The following KBTBD2 variants were observed in gnomAD, a reference collection of about 807,000 sequenced individuals.
The protein encoded by KBTBD2 is kelch repeat and BTB domain-containing protein 2.
A neutral mutation model predicts 57.1 loss-of-function variants in KBTBD2; 17 were observed. That is an observed-to-expected ratio of 0.30 (90% CI 0.20 to 0.45). The LOEUF (loss-of-function observed/expected upper bound fraction) is 0.45, where lower values mean the gene tolerates loss of function less well. Ranked by LOEUF, KBTBD2 falls within the 20% of genes least tolerant of loss-of-function variation. The pLI, the probability that KBTBD2 is intolerant of heterozygous loss-of-function variation, is 1.00. For synonymous variants in KBTBD2, 267 were observed against 262.7 expected (o/e 1.02, Z -0.16); for missense variants, 515 against 750.6 (o/e 0.69, Z 3.67).
chr7:32,879,138 A>G (rs1784388854), intron 2 of KBTBD2, among the ~76,000 whole-genome samples: 1 of 145,760 alleles, frequency 6.9e-6, no homozygotes, highest in Non-Finnish European at 1.5e-5. Context: ...TAAAATCTCA[A>G]AGTGTAAATT....
chr7:32,877,849 C>T (rs997168098), intron 2 of KBTBD2, among the ~76,000 whole-genome samples: 4 of 152,130 alleles, frequency 2.6e-5, no homozygotes, highest in African/African-American at 9.7e-5. Context: ...TGGCTCACAC[C>T]TGTAATTCCA....
intron 1 of KBTBD2, among the ~76,000 whole-genome samples, chr7:32,882,454 G>C (rs977961196): frequency 6.6e-6 from 1 of 152,122 alleles, no homozygotes; most frequent in Admixed American, 6.5e-5. Flanking sequence ...TGCCAGATTT[G>C]ATTTTTTATC....
At chr7:32,873,243 C>T (rs1435896729) in intron 3 of KBTBD2, among the ~76,000 whole-genome samples, 1 of 152,028 alleles carries the variant, frequency 6.6e-6, no homozygotes, top group East Asian at 1.9e-4. Flanking sequence ...ATAAATATAT[C>T]AACCATCACT....
At chr7:32,882,868 C>T (rs764186334) in intron 1 of KBTBD2, among the ~76,000 whole-genome samples, 1 of 151,854 alleles carries the variant, frequency 6.6e-6, no homozygotes, top group Non-Finnish European at 1.5e-5. Context: ...TGCTGTAATC[C>T]CAGCTACCCA....
In KBTBD2 at chr7:32,880,748, A is replaced by G. The variant is rs181069061; in HGVS notation, c.-338-806T>C. ...GGGGAAGAAGGGCAAGTTTTTAATG[A>G]TTTTTATGAAAATATTAAATGTACT... On this transcript the variant is annotated intron_variant, in intron 1 of 3. Coordinates refer to ENST00000304056, the MANE Select transcript of KBTBD2 (RefSeq NM_015483.3). Among the ~76,000 whole-genome samples the G allele has an allele frequency of 8.5e-4, 130 of 152,274 alleles. 1 individual carries two copies. Among genetic ancestry groups the G allele is most frequent in the African/African-American group, 3.0e-3 (124 of 41,566 alleles).
intron 1 of KBTBD2, among the ~76,000 whole-genome samples, chr7:32,887,025 G>A (rs1784597698): frequency 6.6e-6 from 1 of 152,174 alleles, no homozygotes; most frequent in Admixed American, 6.5e-5. Context: ...TTCATTCCTA[G>A]AGGTGTGTAC....
At chr7:32,884,291 T>C (rs1262132977) in intron 1 of KBTBD2, among the ~76,000 whole-genome samples, 2 of 151,696 alleles carry the variant, frequency 1.3e-5, no homozygotes, top group African/African-American at 4.8e-5. Flanking sequence ...GGCGAGAGGG[T>C]ACCTTGAGGC....
In KBTBD2 at chr7:32,868,421, C is replaced by A. The variant is rs1784078031; in HGVS notation, c.*924G>T. The A allele has an allele frequency of 6.6e-6, 1 of 152,508 alleles. No homozygotes were observed. The highest frequency in any genetic ancestry group is 1.5e-5 in the Non-Finnish European group (1 of 68,048). 9.4% of individuals were successfully genotyped at this position (152,508 alleles called of 1,614,324 possible). ...ACTAATCCTAACCCCCACACGCACA[C>A]AACAGGTTAAAAAAAACACACCCTG... On this transcript the variant is annotated 3_prime_UTR_variant, in exon 4 of 4. Coordinates refer to ENST00000304056, the MANE Select transcript of KBTBD2 (RefSeq NM_015483.3).
intron 1 of KBTBD2, among the ~76,000 whole-genome samples, chr7:32,883,171 A>G (rs1323347724): frequency 2.6e-5 from 4 of 152,124 alleles, no homozygotes; most frequent in African/African-American, 4.8e-5. Context: ...TGAGGCCTGG[A>G]GTTCAAGACC....
intron 2 of KBTBD2, among the ~76,000 whole-genome samples, chr7:32,878,451 G>A (rs1262359050): frequency 2.0e-5 from 3 of 151,818 alleles, no homozygotes; most frequent in African/African-American, 4.8e-5. Context: ...GTGGTGGTGC[G>A]TGCCTGTAAT....
At chr7:32,886,538 C>T (rs892776509) in intron 1 of KBTBD2, among the ~76,000 whole-genome samples, 5 of 152,110 alleles carry the variant, frequency 3.3e-5, no homozygotes, top group Non-Finnish European at 2.9e-5. Flanking sequence ...CACAGGTTAT[C>T]GAAAATACTA....
intron 3 of KBTBD2, 131 bp from the exon 4 acceptor site, chr7:32,871,011 C>A: frequency 1.7e-6 from 1 of 596,338 alleles, no homozygotes; most frequent in Non-Finnish European, 2.9e-6. Context: ...CACATCTGGG[C>A]TGAGATAAGG....
At chr7:32,876,935 C>A (rs1308109257) in intron 2 of KBTBD2, among the ~76,000 whole-genome samples, 1 of 152,056 alleles carries the variant, frequency 6.6e-6, no homozygotes, top group African/African-American at 2.4e-5. Context: ...CCAACCCGGG[C>A]AACAAAAGTG....
rs185373908 is a variant in KBTBD2, at chr7:32,890,750, T to C, written c.-339+786A>G. Among the ~76,000 whole-genome samples, 7 of 152,278 alleles carry C rather than the reference T, an allele frequency of 4.6e-5. No homozygotes were observed. In the East Asian group the frequency reaches 1.3e-3, roughly 29 times the overall value. ...TGTATTTTGAATTCTTTTCCTATTTTCACTGGAAGGGGTCACCGTGGTAGC... is the reference window on the plus strand; with the variant it reads ...TGTATTTTGAATTCTTTTCCTATTTCCACTGGAAGGGGTCACCGTGGTAGC... On this transcript the variant is annotated intron_variant, in intron 1 of 3. Coordinates refer to ENST00000304056, the MANE Select transcript of KBTBD2 (RefSeq NM_015483.3).
chr7:32,885,721 A>G (rs542552400), intron 1 of KBTBD2, among the ~76,000 whole-genome samples: 2 of 152,310 alleles, frequency 1.3e-5, no homozygotes, highest in South Asian at 4.1e-4. Context: ...AACACAATAT[A>G]ATGAAATTCA....
chr7:32,875,565 C>A (rs976571483), intron 2 of KBTBD2, among the ~76,000 whole-genome samples: 4 of 152,176 alleles, frequency 2.6e-5, no homozygotes, highest in African/African-American at 4.8e-5. Context: ...AGCCACTGTG[C>A]CTAGCCAATG....
At chr7:32,880,564 A>G (rs890008298) in intron 1 of KBTBD2, among the ~76,000 whole-genome samples, 8 of 149,302 alleles carry the variant, frequency 5.4e-5, no homozygotes, top group African/African-American at 2.0e-4. Flanking sequence ...AAAAAAAAAC[A>G]TAAAATGTAA....
rs988771254 is a variant in KBTBD2, at chr7:32,871,561, C to A, written c.337-681G>T. On this transcript the variant is annotated intron_variant, in intron 3 of 3. Transcript: ENST00000304056. ...ACAGTGATTAACTAGAAACTGTTTA[C>A]ACTGACAAGTCAGGTTGCTTGGATT... is the stretch of plus-strand genomic sequence containing the variant. Among the ~76,000 whole-genome samples, 12 of 152,276 alleles carry A rather than the reference C, an allele frequency of 7.9e-5. 1 individual carries two copies. The highest frequency in any genetic ancestry group is 7.2e-4 in the Admixed American group (11 of 15,298).
At chr7:32,884,976 G>GTATATA (rs529084573) in intron 1 of KBTBD2, among the ~76,000 whole-genome samples, 2 of 130,076 alleles carry the variant, frequency 1.5e-5, no homozygotes, top group East Asian at 2.1e-4. Context: ...GTATGTGTGT[G>GTATATA]TATATATATA....
Sources: gnomAD v4.1 joint callset for allele counts (sites outside exome capture counted in the v4.1 genomes callset) on GRCh38, gnomAD v4.1.1 for gene constraint, MANE v1.5 for transcripts, NCBI Gene and HGNC (gene_info 2026-07-23, HGNC 2026-07-21) for gene names.